The following SYCE1 variants were observed in gnomAD, a reference collection of about 807,000 sequenced individuals.
SYCE1 encodes synaptonemal complex central element protein 1.
A neutral mutation model predicts 55.1 loss-of-function variants in SYCE1; 37 were observed. That is an observed-to-expected ratio of 0.67 (90% CI 0.52 to 0.88). SYCE1 has a LOEUF of 0.88. Among genes scored for constraint, SYCE1 ranks in the 40% least tolerant of loss-of-function variants. The pLI, the probability that SYCE1 is intolerant of heterozygous loss-of-function variation, is 0.00. For missense variants in SYCE1, 399 were observed against 416.4 expected (o/e 0.96, Z 0.36); for synonymous variants, 163 against 159.4 (o/e 1.02, Z -0.17).
At chr10:133,568,031 C>T (rs183528646), upstream of SYCE1, 3,093 of 614,898 alleles carry the variant, frequency 5.0e-3, 40 homozygotes, top group South Asian at 0.017. Context: ...GAGCCCAGGC[C>T]GGAGGATCCT....
chr10:133,557,556 T>C (rs1335025648), intron 6 of SYCE1: 1 of 509,288 alleles, frequency 2.0e-6, no homozygotes, highest in East Asian at 3.4e-5. Flanking sequence ...GTTGGCTCAA[T>C]GCCTAAATGA....
chr10:133,566,614 A>AGGGTTAGGGTT, upstream of SYCE1, among the ~76,000 whole-genome samples: 4 of 19,952 alleles, frequency 2.0e-4, no homozygotes, highest in Non-Finnish European at 5.7e-4. Context: ...GGGTTAGGGT[A>AGGGTTAGGGTT]TTGGGGTTAG....
At chr10:133,562,665 G>A (rs1564858420) in intron 1 of SYCE1, among the ~76,000 whole-genome samples, 1 of 152,106 alleles carries the variant, frequency 6.6e-6, no homozygotes, top group Non-Finnish European at 1.5e-5. Flanking sequence ...TGCAACAGAA[G>A]CTACTCCTGC....
chr10:133,560,679 A>G (rs1170625019), intron 1 of SYCE1: 5 of 152,216 alleles, frequency 3.3e-5, no homozygotes, highest in African/African-American at 1.2e-4. Context: ...TATAATCACT[A>G]TTGGAACCTA....
chr10:133,562,396 C>T (rs1851837789), intron 1 of SYCE1, among the ~76,000 whole-genome samples: 1 of 149,236 alleles, frequency 6.7e-6, no homozygotes, highest in South Asian at 2.1e-4. Flanking sequence ...TTTTTCTTTT[C>T]AGTTGACTGA....
In SYCE1 at chr10:133,557,094, T is replaced by A; in HGVS notation, c.437A>T (p.Glu146Val). ...CAGCTGTCTCTGTTTGTTCTTCTCT[T>A]CTTCAATCTGCAAGTTCAGGGCAGA... ...RISALNLQIEEEKNKQRQLRL... is the reference protein window; with the variant it reads ...RISALNLQIEVEKNKQRQLRL... The change falls in exon 7 of 13, where the codon GAA becomes GTA. Residue 146 changes from glutamate to valine, a missense_variant. Glu to Val is a moderately radical substitution (Grantham distance 121, BLOSUM62 -2). Transcript: ENST00000343131. 2 of 1,614,162 alleles carry A rather than the reference T, an allele frequency of 1.2e-6. No individual in the cohort carries two copies. The highest frequency in any genetic ancestry group is 1.7e-6 in the Non-Finnish European group (2 of 1,180,034).
In SYCE1 at chr10:133,560,199, GCCACCCCTGGGCTGAGA is replaced by G. The variant is rs1851788472; in HGVS notation, c.74-63_74-47del. On this transcript the variant is annotated intron_variant, in intron 1 of 12. Coordinates refer to ENST00000343131, the MANE Select transcript of SYCE1 (RefSeq NM_001143764.3). ...ATTTCAGAATCAAGCAGGGCGAGAG[GCCACCCCTGGGCTGAGA>G]CTGAGGCAGGCTGAGGGCAGGTCTC... 4.4e-6 allele frequency: 7 copies of G among 1,575,086 alleles called. No individual in the cohort carries two copies. The East Asian group carries it at 1.6e-4, about 35-fold the overall frequency.
chr10:133,562,812 T>C (rs914228721), intron 1 of SYCE1, among the ~76,000 whole-genome samples: 1 of 152,202 alleles, frequency 6.6e-6, no homozygotes, highest in Non-Finnish European at 1.5e-5. Context: ...GTGTGGCCTC[T>C]TCCCAGAGCT....
intron 1 of SYCE1, chr10:133,561,020 G>C (rs184713843): frequency 2.0e-5 from 3 of 152,212 alleles, no homozygotes; most frequent in Admixed American, 1.3e-4. Context: ...TCATTGCTTT[G>C]AGTTGTCCCA....
In SYCE1 at chr10:133,555,806, GAGA is replaced by G; in HGVS notation, c.690_692del (p.Leu231del). 1 of 1,613,502 alleles carries G rather than the reference GAGA, an allele frequency of 6.2e-7. No homozygotes were observed. The highest frequency in any genetic ancestry group is 8.5e-7 in the Non-Finnish European group (1 of 1,180,000). On this transcript the variant is annotated inframe_deletion, in exon 10 of 13. Coordinates refer to ENST00000343131, the MANE Select transcript of SYCE1 (RefSeq NM_001143764.3). ...CTGTGGCTGCAGCCTCCTGGCTGCG[GAGA>G]AAGAGTCCCTCATCAAGGGTGGAGG...
intron 6 of SYCE1, 185 bp from the exon 7 acceptor site, chr10:133,557,341 G>A: frequency 3.2e-6 from 2 of 615,994 alleles, no homozygotes; most frequent in Non-Finnish European, 5.7e-6. Context: ...GTCAGGTTAA[G>A]AGAGATTAAT....
chr10:133,565,379 C>T, intron 1 of SYCE1, 78 bp downstream of exon 1: 3 of 1,316,096 alleles, frequency 2.3e-6, no homozygotes, highest in Non-Finnish European at 3.0e-6. Context: ...GAAGAAGCAG[C>T]CGCCACCCGC....
chr10:133,567,824 G>A (rs540177403), upstream of SYCE1: 2 of 372,404 alleles, frequency 5.4e-6, no homozygotes, highest in East Asian at 7.0e-5. Context: ...TTTGGCTGAG[G>A]GGACCCTAAC....
At chr10:133,566,602 T>TA (rs1851940722), upstream of SYCE1, among the ~76,000 whole-genome samples, 1 of 116,690 alleles carries the variant, frequency 8.6e-6, no homozygotes, top group Non-Finnish European at 1.8e-5. Context: ...GTTTTAGTGT[T>TA]GGGGTTAGGG....
chr10:133,565,401 G>A, intron 1 of SYCE1, 56 bp downstream of exon 1: 5 of 1,451,036 alleles, frequency 3.4e-6, no homozygotes, highest in Non-Finnish European at 4.6e-6. Context: ...CCCCAACCCT[G>A]CCCCGCCTCG....
intron 4 of SYCE1, 191 bp from the exon 5 acceptor site, chr10:133,558,405 A>G (rs1039845928): frequency 2.0e-5 from 13 of 643,678 alleles, no homozygotes; most frequent in African/African-American, 1.6e-4. Flanking sequence ...TCACATTTAC[A>G]GAGGGTGGCT....
At chr10:133,556,376 CCT>C (rs1470879333) in intron 8 of SYCE1, 7 of 534,584 alleles carry the variant, frequency 1.3e-5, no homozygotes, top group South Asian at 9.2e-5. Context: ...TCCCCACTCC[CCT>C]CTGTCCTGGT....
chr10:133,559,535 A>C, intron 2 of SYCE1, 175 bp from the exon 3 acceptor site: 1 of 632,454 alleles, frequency 1.6e-6, no homozygotes, highest in Non-Finnish European at 2.9e-6. Context: ...GGGAACAGAC[A>C]CAATAAGATA....
intron 1 of SYCE1, among the ~76,000 whole-genome samples, chr10:133,565,171 G>A (rs1254301221): frequency 6.6e-6 from 1 of 152,188 alleles, no homozygotes; most frequent in African/African-American, 2.4e-5. Flanking sequence ...GTTTTAAGAG[G>A]TGTGTATGTA....
Sources: gnomAD v4.1 joint callset for allele counts (sites outside exome capture counted in the v4.1 genomes callset) on GRCh38, gnomAD v4.1.1 for gene constraint, MANE v1.5 for transcripts, NCBI Gene and HGNC (gene_info 2026-07-23, HGNC 2026-07-21) for gene names.